Variants in RAPGEF5 observed in about 807,000 individuals in gnomAD.
RAPGEF5 encodes Rap guanine nucleotide exchange factor 5.
RAPGEF5 carries 65 observed loss-of-function variants against 125.2 expected under a neutral mutation model. The observed-to-expected ratio is 0.52, with a 90% CI of 0.43 to 0.64. The LOEUF (loss-of-function observed/expected upper bound fraction) is 0.64. Ranked by LOEUF, RAPGEF5 falls within the 30% of genes least tolerant of loss-of-function variation. RAPGEF5 has a pLI of 0.00. For synonymous variants in RAPGEF5, 391 were observed against 385.9 expected (o/e 1.01, Z -0.16); for missense variants, 958 against 1,048.1 (o/e 0.91, Z 1.19).
At chr7:22,184,314 T>G (rs544844152) in intron 11 of RAPGEF5, among the ~76,000 whole-genome samples, 1 of 152,340 alleles carries the variant, frequency 6.6e-6, no homozygotes, top group East Asian at 1.9e-4. Context: ...TCTCTCCACA[T>G]AGTTCACTAG....
At chr7:22,236,394 G>A (rs1437041253) in intron 7 of RAPGEF5, among the ~76,000 whole-genome samples, 3 of 152,128 alleles carry the variant, frequency 2.0e-5, no homozygotes, top group Admixed American at 6.5e-5. Context: ...CTACATACAA[G>A]CTGCTGTGAT....
chr7:22,143,108 A>G (rs952655251), intron 20 of RAPGEF5, among the ~76,000 whole-genome samples: 5 of 152,204 alleles, frequency 3.3e-5, no homozygotes, highest in Non-Finnish European at 7.3e-5. Flanking sequence ...ACTTATCCAC[A>G]TAATTAGCAT....
At chr7:22,186,363 C>T (rs1324173641) in intron 11 of RAPGEF5, among the ~76,000 whole-genome samples, 4 of 152,160 alleles carry the variant, frequency 2.6e-5, no homozygotes, top group Non-Finnish European at 5.9e-5. Flanking sequence ...AACTTCGTTG[C>T]ATTTGACCAG....
chr7:22,218,532 G>A (rs546801558), intron 9 of RAPGEF5, among the ~76,000 whole-genome samples: 1 of 152,202 alleles, frequency 6.6e-6, no homozygotes, highest in East Asian at 1.9e-4. Context: ...GACTATTGTG[G>A]GGGAAATGTG....
Position 22,273,287 on chromosome 7 carries a change from C to T in RAPGEF5, c.748-6275G>A, listed in dbSNP as rs1328269295. 4.2e-5 allele frequency among the ~76,000 whole-genome samples: 6 copies of T among 144,286 alleles called. No homozygotes were observed. In the East Asian group the frequency reaches 1.3e-3, roughly 30 times the overall value. 94.7% of individuals were successfully genotyped at this position (144,286 alleles called of 152,430 possible). A position where few individuals can be genotyped will look rare whatever the true frequency, so the allele number is the denominator to read the frequency against. ...AGGCTTGAGTGCAGTGGCGCAATCT[C>T]GGCTCACTGCAAGCTCCGCCTCCCG... On this transcript the variant is annotated intron_variant, in intron 6 of 25. Transcript: ENST00000665637.
chr7:22,224,835 C>CTT (rs61426791), intron 8 of RAPGEF5, among the ~76,000 whole-genome samples: 4 of 140,068 alleles, frequency 2.9e-5, no homozygotes, highest in Admixed American at 7.1e-5. Flanking sequence ...TTTTGGTTTT[C>CTT]TTTTTTTTTT....
At chr7:22,231,185 C>T (rs1037349094) in intron 7 of RAPGEF5, among the ~76,000 whole-genome samples, 3 of 152,120 alleles carry the variant, frequency 2.0e-5, no homozygotes, top group Non-Finnish European at 2.9e-5. Context: ...CTGACATCAC[C>T]ATATCAGCAT....
chr7:22,244,253 T>C (rs1786417065), intron 7 of RAPGEF5, among the ~76,000 whole-genome samples: 1 of 152,144 alleles, frequency 6.6e-6, no homozygotes, highest in Non-Finnish European at 1.5e-5. Flanking sequence ...CATCTGTTGA[T>C]GGACACTTCC....
At chr7:22,252,274 T>C (rs2128138546) in intron 7 of RAPGEF5, among the ~76,000 whole-genome samples, 1 of 152,328 alleles carries the variant, frequency 6.6e-6, no homozygotes, top group Non-Finnish European at 1.5e-5. Context: ...GTCACCTTAC[T>C]GGCACCATCA....
intron 7 of RAPGEF5, among the ~76,000 whole-genome samples, chr7:22,265,088 A>G (rs1189848825): frequency 1.3e-5 from 2 of 152,194 alleles, no homozygotes; most frequent in Non-Finnish European, 2.9e-5. Context: ...TGGGATATCC[A>G]TCACCTCAAA....
Position 22,140,037 on chromosome 7 carries a change from C to T in RAPGEF5, c.2265G>A (p.Ser755=), listed in dbSNP as rs764071785. ...CTCCAAGGCTCACCTCCCAGGTCTG[C>T]GACAGTCGACTGACAGAAGCAGTGT... is the stretch of plus-strand genomic sequence containing the variant. ...GLNTASVSRL[S]QTWEKIPGKF... Residue 755 remains serine, a synonymous_variant, in exon 21 of 26, where the codon TCG becomes TCA. Coordinates refer to ENST00000665637, the MANE Select transcript of RAPGEF5 (RefSeq NM_012294.5). 15 of 1,565,388 alleles carry T rather than the reference C, an allele frequency of 9.6e-6. No homozygotes were observed. The highest frequency in any genetic ancestry group is 2.4e-5 in the East Asian group (1 of 42,056).
At chr7:22,338,410 C>T (rs959216115) in intron 1 of RAPGEF5, among the ~76,000 whole-genome samples, 1 of 152,168 alleles carries the variant, frequency 6.6e-6, no homozygotes, top group Non-Finnish European at 1.5e-5. Context: ...ATTTTATGTT[C>T]TAACACTATA....
intron 18 of RAPGEF5, 80 bp from the exon 19 acceptor site, chr7:22,147,099 G>A: frequency 1.3e-6 from 2 of 1,521,234 alleles, no homozygotes; most frequent in Non-Finnish European, 1.8e-6. Flanking sequence ...AAAGGCACTA[G>A]AAGCTCAGAT....
chr7:22,160,899 A>G (rs1021519377), intron 13 of RAPGEF5, among the ~76,000 whole-genome samples: 1 of 152,118 alleles, frequency 6.6e-6, no homozygotes, highest in East Asian at 1.9e-4. Flanking sequence ...CCCATTCTAT[A>G]TCTTAAAAAA....
chr7:22,353,958 T>C (rs11984205), intron 1 of RAPGEF5, among the ~76,000 whole-genome samples: 43,793 of 152,004 alleles, frequency 0.29, 6,477 homozygotes, highest in East Asian at 0.37. Flanking sequence ...TGTATCCCAG[T>C]TCCTCAGGAG....
At chr7:22,226,297 C>G (rs1562771168) in intron 8 of RAPGEF5, among the ~76,000 whole-genome samples, 1 of 151,792 alleles carries the variant, frequency 6.6e-6, no homozygotes, top group Non-Finnish European at 1.5e-5. Flanking sequence ...AAAAATTAAG[C>G]CTAGAAGTTC....
intron 7 of RAPGEF5, among the ~76,000 whole-genome samples, chr7:22,241,783 G>A (rs1381913069): frequency 6.6e-6 from 1 of 152,138 alleles, no homozygotes; most frequent in Non-Finnish European, 1.5e-5. Flanking sequence ...CTGGGGTAGA[G>A]TGGAAGATAA....
rs138617121 is a variant in RAPGEF5 at position 22,346,560 on chromosome 7, G to A, written c.231+10270C>T. 1.3e-4 allele frequency among the ~76,000 whole-genome samples: 20 copies of A among 152,214 alleles called. No individual in the cohort carries two copies. The East Asian group carries it at 2.7e-3, about 21-fold the overall frequency. On this transcript the variant is annotated intron_variant, in intron 1 of 25. Coordinates refer to ENST00000665637, the MANE Select transcript of RAPGEF5 (RefSeq NM_012294.5). ...TAATGAGAGATAAAATAAATTTGCC[G>A]TCAGCACCAAAGTCCTAAGTGTTAG...
At chr7:22,207,472 G>C (rs1444093331) in intron 9 of RAPGEF5, among the ~76,000 whole-genome samples, 1 of 152,108 alleles carries the variant, frequency 6.6e-6, no homozygotes, top group Non-Finnish European at 1.5e-5. Context: ...CAGGGGGTGG[G>C]GGGAGGAAAT....
Sources: allele counts gnomAD v4.1 joint callset (sites outside exome capture counted in the v4.1 genomes callset), GRCh38; gene constraint gnomAD v4.1.1; transcripts MANE v1.5; gene names NCBI Gene and HGNC (gene_info 2026-07-23, HGNC 2026-07-21).